LYRM7: variants seen among roughly 807,000 people sequenced by gnomAD.
LYRM7 encodes the protein LYR motif containing 7.
LYRM7 carries 9 observed loss-of-function variants against 15.8 expected under a neutral mutation model. The observed-to-expected ratio is 0.57, with a 90% CI of 0.34 to 0.99. The LOEUF is 0.99. Among genes scored for constraint, LYRM7 ranks in the 50% least tolerant of loss-of-function variants. The probability of loss-of-function intolerance (pLI) is 0.02; values close to 1 mark genes in which losing one functional copy is unlikely to be tolerated. For missense variants in LYRM7, 115 were observed against 119.1 expected (o/e 0.97, Z 0.16); for synonymous variants, 39 against 39.4 (o/e 0.99, Z 0.04).
Position 131,181,394 on chromosome 5 carries a change from ATATT to A in LYRM7, c.92-834_92-831del, listed in dbSNP as rs546895139. On this transcript the variant is annotated intron_variant, in intron 2 of 4. Transcript: ENST00000379380. ...ATATGTATATATAATATATACATAT[ATATT>A]ATATATACATATATATGTTTATATA... 4.8e-3 allele frequency among the ~76,000 whole-genome samples: 481 copies of A among 99,308 alleles called. 19 individuals are homozygous for A. Among genetic ancestry groups the A allele is most frequent in the African/African-American group, 0.027 (454 of 16,654 alleles). 65.1% of individuals were successfully genotyped at this position (99,308 alleles called of 152,430 possible).
intron 4 of LYRM7, among the ~76,000 whole-genome samples, chr5:131,192,475 T>G (rs1755902549): frequency 6.6e-6 from 1 of 152,220 alleles, no homozygotes; most frequent in Non-Finnish European, 1.5e-5. Context: ...ATATGCTAAT[T>G]ACCCTGATTT....
chr5:131,171,769 T>C (rs1755526565), intron 1 of LYRM7: 1 of 152,178 alleles, frequency 6.6e-6, no homozygotes, highest in South Asian at 2.1e-4. Context: ...CCTGCTATAA[T>C]ATGGTGAAGA....
chr5:131,180,394 C>T (rs1042365021), intron 2 of LYRM7, among the ~76,000 whole-genome samples: 6 of 151,852 alleles, frequency 4.0e-5, no homozygotes, highest in Non-Finnish European at 7.4e-5. Context: ...AAAAAAAAGG[C>T]GAGGGACCAG....
chr5:131,202,613 G>A lies in LYRM7; in HGVS notation c.*3012G>A, dbSNP rs1756092593. The A allele has an allele frequency of 6.5e-6, 1 of 152,732 alleles. No homozygotes were observed. Among genetic ancestry groups the A allele is most frequent in the Non-Finnish European group, 1.5e-5 (1 of 68,058 alleles). 9.5% of individuals were successfully genotyped at this position (152,732 alleles called of 1,614,324 possible). ...TGCAGCCTAGAATTTCTGACCTCAA[G>A]CAATCATCCTGCCTCAGCCTCCTAA... On this transcript the variant is annotated 3_prime_UTR_variant, in exon 5 of 5. Transcript: ENST00000379380.
In LYRM7 at chr5:131,203,209, T is replaced by G. The variant is rs1756105136; in HGVS notation, c.*3608T>G. 6.6e-6 allele frequency: 1 copy of G among 152,316 alleles called. No individual in the cohort carries two copies. The highest frequency in any genetic ancestry group is 1.5e-5 in the Non-Finnish European group (1 of 68,020). 9.4% of individuals were successfully genotyped at this position (152,316 alleles called of 1,614,324 possible). ...TGGATACATGCAAAATTAATATAGT[T>G]TTACTGTATATCAGTTGTCACCAAT... On this transcript the variant is annotated 3_prime_UTR_variant, in exon 5 of 5. Coordinates refer to ENST00000379380, the MANE Select transcript of LYRM7 (RefSeq NM_181705.4).
rs2149667477 is a variant in LYRM7, at chr5:131,200,875, T to G, written c.*1274T>G. 1 of 152,238 alleles carries G rather than the reference T, an allele frequency of 6.6e-6. No individual in the cohort carries two copies. The highest frequency in any genetic ancestry group is 2.4e-5 in the African/African-American group (1 of 41,550). 9.4% of individuals were successfully genotyped at this position (152,238 alleles called of 1,614,324 possible). On this transcript the variant is annotated 3_prime_UTR_variant, in exon 5 of 5. Transcript: ENST00000379380. ...GTTATTGAATATTTTATCACTGAGC[T>G]TTTTTCTTTAACCTGAATTCCCTGT...
intron 1 of LYRM7, among the ~76,000 whole-genome samples, chr5:131,176,415 A>G (rs1755603379): frequency 6.6e-6 from 1 of 152,036 alleles, no homozygotes; most frequent in Non-Finnish European, 1.5e-5. Context: ...TTTTTACAGT[A>G]GCCATTCTAC....
chr5:131,193,867 G>T (rs1436427308), intron 4 of LYRM7, among the ~76,000 whole-genome samples: 1 of 151,970 alleles, frequency 6.6e-6, no homozygotes, highest in Non-Finnish European at 1.5e-5. Flanking sequence ...AAATTAGCCG[G>T]GCATGGTGGC....
intron 3 of LYRM7, among the ~76,000 whole-genome samples, chr5:131,184,862 C>T (rs565145694): frequency 6.6e-6 from 1 of 152,252 alleles, no homozygotes; most frequent in East Asian, 1.9e-4. Flanking sequence ...TCCCACAGCT[C>T]TCTCCATGGC....
intron 1 of LYRM7, among the ~76,000 whole-genome samples, chr5:131,172,182 G>T (rs1400355035): frequency 1.3e-5 from 2 of 152,246 alleles, no homozygotes; most frequent in Non-Finnish European, 2.9e-5. Flanking sequence ...GGGAGACCGA[G>T]GCGAGAGGAT....
At chr5:131,192,407 G>A (rs558692118) in intron 4 of LYRM7, among the ~76,000 whole-genome samples, 1 of 152,178 alleles carries the variant, frequency 6.6e-6, no homozygotes, top group South Asian at 2.1e-4. Context: ...TTTTCAAATA[G>A]CTAGAAGAGC....
chr5:131,183,018 C>T (rs1351602382), intron 3 of LYRM7, among the ~76,000 whole-genome samples: 4 of 151,602 alleles, frequency 2.6e-5, no homozygotes, highest in Admixed American at 2.0e-4. Flanking sequence ...GATTTGGTTC[C>T]AAGAATTGAT....
intron 4 of LYRM7, among the ~76,000 whole-genome samples, chr5:131,190,041 G>A (rs1009223177): frequency 6.6e-6 from 1 of 151,722 alleles, no homozygotes; most frequent in Non-Finnish European, 1.5e-5. Flanking sequence ...GGCTGAGGTG[G>A]GAGGATCACT....
intron 4 of LYRM7, among the ~76,000 whole-genome samples, chr5:131,197,846 CTGTGTGTGTGTGTG>C (rs56146861): frequency 1.8e-4 from 26 of 143,382 alleles, no homozygotes; most frequent in African/African-American, 4.7e-4. Context: ...CATCTGGCCA[CTGTGTGTGTGTGTG>C]TGTGTGTGTG....
Position 131,203,079 on chromosome 5 carries a change from T to G in LYRM7, c.*3478T>G, listed in dbSNP as rs575079960. On this transcript the variant is annotated 3_prime_UTR_variant, in exon 5 of 5. Transcript: ENST00000379380. ...CACAAGAATAAGAATATGTGGAATT[T>G]CTATACCTATTGACAAAGCACATAA... 1 of 152,484 alleles carries G rather than the reference T, an allele frequency of 6.6e-6. No individual in the cohort carries two copies. Among genetic ancestry groups the G allele is most frequent in the Admixed American group, 6.5e-5 (1 of 15,306 alleles). 9.4% of individuals were successfully genotyped at this position (152,484 alleles called of 1,614,324 possible).
At chr5:131,179,474 T>TTTTTTTTTTTTTTTTTTTTTTTTTTTTCA (rs1755656398) in intron 1 of LYRM7, among the ~76,000 whole-genome samples, 5 of 23,488 alleles carry the variant, frequency 2.1e-4, no homozygotes, top group African/African-American at 3.4e-4. Flanking sequence ...TTTTTTTTTC[T>TTTTTTTTTTTTTTTTTTTTTTTTTTTTCA]TTTTTTTTTT....
chr5:131,199,776 C>A lies in LYRM7; in HGVS notation c.*175C>A. ...AAGGTCATTACTGAGAACTAAAGAA[C>A]ATAATTAAGTATTTCTAAAGGAAAT... is the stretch of plus-strand genomic sequence containing the variant. On this transcript the variant is annotated 3_prime_UTR_variant, in exon 5 of 5. Coordinates refer to ENST00000379380, the MANE Select transcript of LYRM7 (RefSeq NM_181705.4). 1 of 411,012 alleles carries A rather than the reference C, an allele frequency of 2.4e-6. No homozygotes were observed. Among genetic ancestry groups the A allele is most frequent in the Non-Finnish European group, 4.4e-6 (1 of 226,876 alleles). The allele number at this position is 411,012 out of a possible 1,614,324, so 25.5% of individuals were successfully genotyped here. A position where few individuals can be genotyped will look rare whatever the true frequency, so the allele number is the denominator to read the frequency against.
chr5:131,184,837 G>T (rs898326391), intron 3 of LYRM7, among the ~76,000 whole-genome samples: 3 of 152,084 alleles, frequency 2.0e-5, no homozygotes, highest in African/African-American at 7.2e-5. Flanking sequence ...GGTGTCAGGA[G>T]ATGAGGCTTT....
intron 4 of LYRM7, among the ~76,000 whole-genome samples, chr5:131,193,677 C>T (rs1755919725): frequency 6.6e-6 from 1 of 152,078 alleles, no homozygotes; most frequent in South Asian, 2.1e-4. Context: ...TAAATTTGTA[C>T]TTTGGTCCAA....
Sources: allele counts gnomAD v4.1 joint callset (sites outside exome capture counted in the v4.1 genomes callset), GRCh38; gene constraint gnomAD v4.1.1; transcripts MANE v1.5; gene names NCBI Gene and HGNC (gene_info 2026-07-23, HGNC 2026-07-21).